APEH: variants seen among roughly 807,000 people sequenced by gnomAD.
APEH encodes the protein acylamino-acid-releasing enzyme.
Under a neutral mutation model 102.7 loss-of-function variants are expected in APEH, and 75 were observed. The observed-to-expected ratio is 0.73, with a 90% confidence interval of 0.61 to 0.89. The LOEUF is 0.89. Ranked by LOEUF, APEH falls within the 40% of genes least tolerant of loss-of-function variation. The probability of loss-of-function intolerance (pLI) is 0.00; values close to 1 mark genes in which losing one functional copy is unlikely to be tolerated. For synonymous variants in APEH, 344 were observed against 362.7 expected (o/e 0.95, Z 0.59); for missense variants, 863 against 941.2 (o/e 0.92, Z 1.09).
rs1221862197 is a variant in APEH at position 49,674,481 on chromosome 3, C to G, written c.13-8C>G. ...GCCGGGCCTGACCCTGGTGTGTCCC[C>G]TGCGCAGGTGCTGCTGAGCGAGCCC... On this transcript the variant is annotated splice_region_variant and splice_polypyrimidine_tract_variant and intron_variant, in intron 1 of 21. Coordinates refer to ENST00000296456, the MANE Select transcript of APEH (RefSeq NM_001640.4). The G allele has an allele frequency of 6.4e-7, 1 of 1,570,856 alleles. No homozygotes were observed. The highest frequency in any genetic ancestry group is 2.3e-5 in the East Asian group (1 of 43,526).
At chr3:49,680,924 A>C (rs1327365595) in intron 14 of APEH, among the ~76,000 whole-genome samples, 177 bp from the exon 15 acceptor site, 2 of 152,188 alleles carry the variant, frequency 1.3e-5, no homozygotes, top group African/African-American at 4.8e-5. Flanking sequence ...CCTGTGTGTG[A>C]TTGTATGAGT....
intron 11 of APEH, among the ~76,000 whole-genome samples, 163 bp from the exon 12 acceptor site, chr3:49,678,689 C>T (rs1489563764): frequency 6.6e-6 from 1 of 152,156 alleles, no homozygotes; most frequent in East Asian, 1.9e-4. Context: ...ACTCAGGCAG[C>T]TCCTCATCGC....
chr3:49,673,699 A>G (rs2052875016), upstream of APEH, among the ~76,000 whole-genome samples: 1 of 152,012 alleles, frequency 6.6e-6, no homozygotes. Context: ...GGCACTGTGT[A>G]GTGAATGTCG....
At position 49,675,807 on chromosome 3, in the gene APEH, G is replaced by A; in HGVS notation, c.366+20G>A. The A allele has an allele frequency of 6.2e-7, 1 of 1,613,176 alleles. No individual in the cohort carries two copies. The highest frequency in any genetic ancestry group is 8.5e-7 in the Non-Finnish European group (1 of 1,179,114). ...CTGGAGGTGAGTCTGCATGGGACCA[G>A]GTAGTGGGTGACAAGAGAGAGGCTC... On this transcript the variant is annotated intron_variant, in intron 4 of 21. Coordinates refer to ENST00000296456, the MANE Select transcript of APEH (RefSeq NM_001640.4).
In APEH at chr3:49,683,440, G is replaced by C; in HGVS notation, c.*98G>C. 2 of 1,017,488 alleles carry C rather than the reference G, an allele frequency of 2.0e-6. No homozygotes were observed. Among genetic ancestry groups the C allele is most frequent in the Non-Finnish European group, 3.1e-6 (2 of 645,520 alleles). 63.0% of individuals were successfully genotyped at this position (1,017,488 alleles called of 1,614,324 possible). On this transcript the variant is annotated 3_prime_UTR_variant, in exon 22 of 22. Coordinates refer to ENST00000296456, the MANE Select transcript of APEH (RefSeq NM_001640.4). ...GGCAGCAGGAGGCTTTCTGGGCTCT[G>C]GACTCCACGGATGCGTGGGCAGAGG...
rs1258948966 is a variant in APEH at position 49,676,085 on chromosome 3, T to A, written c.472T>A (p.Ser158Thr). The change falls in exon 6 of 22, where the codon TCG becomes ACG. Residue 158 changes from serine (S) to threonine (T), a missense_variant. Coordinates refer to ENST00000296456, the MANE Select transcript of APEH (RefSeq NM_001640.4). The stretch of plus-strand genomic sequence containing the variant: ...CTTTGGCTGCCTGTCCTGGTCGCAC[T>A]CGGAGACACACTTGTTGTATGTGGC... ...DCFGCLSWSH[S>T]ETHLLYVAEK... 1 of 1,614,104 alleles carries A rather than the reference T, an allele frequency of 6.2e-7. No homozygotes were observed. Among genetic ancestry groups the A allele is most frequent in the Non-Finnish European group, 8.5e-7 (1 of 1,180,038 alleles).
intron 13 of APEH, 154 bp from the exon 14 acceptor site, chr3:49,680,386 CG>C (rs1371088322): frequency 7.5e-5 from 48 of 642,022 alleles, no homozygotes; most frequent in Non-Finnish European, 1.3e-4. Flanking sequence ...GAGGCTCACC[CG>C]GGGCCATGTG....
rs758909541 is a variant in APEH, at chr3:49,675,792, G to C, written c.366+5G>C. 1 of 1,613,780 alleles carries C rather than the reference G, an allele frequency of 6.2e-7. No homozygotes were observed. Among genetic ancestry groups the C allele is most frequent in the Non-Finnish European group, 8.5e-7 (1 of 1,179,688 alleles). On this transcript the variant is annotated splice_donor_5th_base_variant and intron_variant, in intron 4 of 21. Coordinates refer to ENST00000296456, the MANE Select transcript of APEH (RefSeq NM_001640.4). ...GAAGAGAAGCAGTTCCTGGAGGTGA[G>C]TCTGCATGGGACCAGGTAGTGGGTG... is the stretch of plus-strand genomic sequence containing the variant.
At chr3:49,681,309 T>C in intron 15 of APEH, 70 bp downstream of exon 15, 1 of 1,429,472 alleles carries the variant, frequency 7.0e-7, no homozygotes, top group Non-Finnish European at 9.2e-7. Context: ...CGGTGACCTT[T>C]GCTACCTCCT....
At position 49,676,627 on chromosome 3, in the gene APEH, G is replaced by A. The variant is rs2053068569; in HGVS notation, c.763G>A (p.Asp255Asn). 6.2e-7 allele frequency: 1 copy of A among 1,614,268 alleles called. No homozygotes were observed. The highest frequency in any genetic ancestry group is 8.5e-7 in the Non-Finnish European group (1 of 1,180,050). Reference protein sequence around the residue: ...SPGQAFWAPGDAGVVFVGWWH... With the variant: ...SPGQAFWAPGNAGVVFVGWWH... The stretch of plus-strand genomic sequence containing the variant: ...TTTACAGGCATTTTGGGCCCCTGGA[G>A]ATGCTGGTGTGGTGTTTGTGGGCTG... Residue 255 changes from aspartate to asparagine, a missense_variant, in exon 8 of 22, where the codon GAT (aspartate) becomes AAT (asparagine). Coordinates refer to ENST00000296456, the MANE Select transcript of APEH (RefSeq NM_001640.4).
Position 49,680,763 on chromosome 3 carries a change from G to C in APEH, c.1299+134G>C, listed in dbSNP as rs1158608524. The stretch of plus-strand genomic sequence containing the variant: ...CGGGCCAAGACACAGGCCCAGCTTG[G>C]CATGGTCCATGAGGGTTTGGCACTC... On this transcript the variant is annotated intron_variant, in intron 14 of 21. Transcript: ENST00000296456. The C allele has an allele frequency of 3.6e-6, 3 of 830,458 alleles. No homozygotes were observed. In the Admixed American group the frequency reaches 6.5e-5, roughly 18 times the overall value. 51.4% of individuals were successfully genotyped at this position (830,458 alleles called of 1,614,324 possible). A position where few individuals can be genotyped will look rare whatever the true frequency, so the allele number is the denominator to read the frequency against.
intron 2 of APEH, 132 bp downstream of exon 2, chr3:49,674,753 C>T: frequency 8.0e-7 from 1 of 1,253,458 alleles, no homozygotes; most frequent in South Asian, 1.4e-5. Flanking sequence ...GGAGGTTACA[C>T]TCCCACAGGT....
intron 5 of APEH, 30 bp from the exon 6 acceptor site, chr3:49,676,026 C>G (rs777989196): frequency 3.7e-6 from 6 of 1,613,900 alleles, no homozygotes; most frequent in East Asian, 2.2e-5. Context: ...TAGCCCTGGG[C>G]CCCCCCTGAT....
chr3:49,674,328 C>A, upstream of APEH: 1 of 1,514,912 alleles, frequency 6.6e-7, no homozygotes, highest in South Asian at 1.2e-5. Context: ...CGGGCCGTCC[C>A]AGGCTCCGCC....
chr3:49,676,533 G>A lies in APEH; in HGVS notation c.744+18G>A, dbSNP rs1364491730. Reference sequence around the variant, plus strand: ...CTGGACAGGTCAGCAGCAACAGCCTGTGTCCCCCCTGGAGTCTGGGACCCT... The same window carrying A: ...CTGGACAGGTCAGCAGCAACAGCCTATGTCCCCCCTGGAGTCTGGGACCCT... On this transcript the variant is annotated intron_variant, in intron 7 of 21. Transcript: ENST00000296456. 1.2e-6 allele frequency: 2 copies of A among 1,614,140 alleles called. No homozygotes were observed. Among genetic ancestry groups the A allele is most frequent in the Middle Eastern group, 1.6e-4 (1 of 6,084 alleles).
intron 3 of APEH, 163 bp from the exon 4 acceptor site, chr3:49,675,531 A>G: frequency 1.1e-6 from 1 of 943,038 alleles, no homozygotes; most frequent in Non-Finnish European, 1.6e-6. Context: ...TGCAGAGAGT[A>G]GAGTCTCTGC....
In APEH at chr3:49,679,487, C is replaced by A; in HGVS notation, c.1159-106C>A. Reference sequence around the variant, plus strand: ...CACCATAGCTGTCCACAGCCTTGGTCTGGCCAGGGCTCTCCAAGAGGGTAG... The same window carrying A: ...CACCATAGCTGTCCACAGCCTTGGTATGGCCAGGGCTCTCCAAGAGGGTAG... On this transcript the variant is annotated intron_variant, in intron 12 of 21. Transcript: ENST00000296456. The surrounding 1 kb of genome is among the most constrained non-coding windows in gnomAD (Gnocchi z 4.3). 1 of 1,217,350 alleles carries A rather than the reference C, an allele frequency of 8.2e-7. No individual in the cohort carries two copies. Among genetic ancestry groups the A allele is most frequent in the South Asian group, 1.3e-5 (1 of 77,906 alleles). 75.4% of individuals were successfully genotyped at this position (1,217,350 alleles called of 1,614,324 possible).
In APEH at chr3:49,683,856, C is replaced by G; in HGVS notation, c.*514C>G. 1 of 982,168 alleles carries G rather than the reference C, an allele frequency of 1.0e-6. No individual in the cohort carries two copies. Among genetic ancestry groups the G allele is most frequent in the South Asian group, 1.7e-5 (1 of 57,876 alleles). 60.8% of individuals were successfully genotyped at this position (982,168 alleles called of 1,614,324 possible). A position where few individuals can be genotyped will look rare whatever the true frequency, so the allele number is the denominator to read the frequency against. ...GGAAGCCCCTAGGCTGGACAGATCACCTAGCCCAGGGTGTGCTGGGCTCAA... is the reference window on the plus strand; with the variant it reads ...GGAAGCCCCTAGGCTGGACAGATCAGCTAGCCCAGGGTGTGCTGGGCTCAA... On this transcript the variant is annotated 3_prime_UTR_variant, in exon 22 of 22. Transcript: ENST00000296456.
At chr3:49,676,299 G>T in intron 6 of APEH, 79 bp from the exon 7 acceptor site, 2 of 1,611,752 alleles carry the variant, frequency 1.2e-6, no homozygotes, top group South Asian at 1.1e-5. Flanking sequence ...GTGCCTGTCA[G>T]ACCTGGGGAG....
Sources: gnomAD v4.1 joint callset for allele counts (sites outside exome capture counted in the v4.1 genomes callset) on GRCh38, gnomAD v4.1.1 for gene constraint, Gnocchi (gnomAD v3.1) non-coding constraint, MANE v1.5 for transcripts, NCBI Gene and HGNC (gene_info 2026-07-23, HGNC 2026-07-21) for gene names.